Variants in PRSS23 observed in about 807,000 individuals in gnomAD.
PRSS23 encodes the protein protease, serine 23.
Under a neutral mutation model 34.7 loss-of-function variants are expected in PRSS23, and 25 were observed. That is an observed-to-expected ratio of 0.72 (90% confidence interval 0.53 to 1.01). The LOEUF (loss-of-function observed/expected upper bound fraction) is 1.01. PRSS23 is among the 50% of genes least tolerant of loss of function. The pLI is 0.00. For synonymous variants in PRSS23, 176 were observed against 186.6 expected, an observed-to-expected ratio of 0.94 and a Z score of 0.46; for missense variants, 445 against 475.6, an observed-to-expected ratio of 0.94 and a Z score of 0.60.
intron 2 of PRSS23, among the ~76,000 whole-genome samples, chr11:86,939,426 A>ATATATATATATATATTTTTTTTT: frequency 6.0e-4 from 56 of 94,044 alleles, no homozygotes; most frequent in Non-Finnish European, 1.2e-3. Context: ...ATATATATAT[A>ATATATATATATATATTTTTTTTT]TTTTTTAACA....
intron 2 of PRSS23, among the ~76,000 whole-genome samples, chr11:86,840,614 T>C (rs1265373359): frequency 6.6e-6 from 1 of 152,202 alleles, no homozygotes; most frequent in Non-Finnish European, 1.5e-5. Context: ...GTGGACCTAA[T>C]AGACATCTAC....
In PRSS23 at chr11:86,866,730, A is replaced by C. The variant is rs551896893; in HGVS notation, c.206+43137A>C. On this transcript the variant is annotated intron_variant, in intron 2 of 2. Coordinates refer to the PRSS23 transcript ENST00000533902. ...TTTGGGTCATGGAGTAGAATCCCTC[A>C]TGAATAGATTGATGCCCTCTCTTGG... Among the ~76,000 whole-genome samples the C allele has an allele frequency of 8.5e-5, 13 of 152,320 alleles. No homozygotes were observed. In the South Asian group the frequency reaches 2.5e-3, roughly 29 times the overall value.
intron 2 of PRSS23, chr11:86,833,071 G>A: frequency 1.8e-6 from 1 of 571,218 alleles, no homozygotes; most frequent in Non-Finnish European, 3.3e-6. Flanking sequence ...TAATATAGAG[G>A]GTGACAGATG....
chr11:86,808,917 CTT>C lies in PRSS23; in HGVS notation c.*123_*124del, dbSNP rs1565351512. On this transcript the variant is annotated 3_prime_UTR_variant, in exon 2 of 2. Transcript: ENST00000280258. ...GTGTGTGTGTGTGTGTGTAAGGTGTCTTATAATCTTTTACCTATTTCTTACAA... is the reference window on the plus strand; with the variant it reads ...GTGTGTGTGTGTGTGTGTAAGGTGTCATAATCTTTTACCTATTTCTTACAA... The C allele has an allele frequency of 2.6e-6, 2 of 756,134 alleles. No homozygotes were observed. The highest frequency in any genetic ancestry group is 1.8e-5 in the African/African-American group (1 of 56,968). 46.8% of individuals were successfully genotyped at this position (756,134 alleles called of 1,614,324 possible). A position where few individuals can be genotyped will look rare whatever the true frequency, so the allele number is the denominator to read the frequency against.
At chr11:86,906,978 G>C (rs1462811376) in intron 2 of PRSS23, among the ~76,000 whole-genome samples, 3 of 152,222 alleles carry the variant, frequency 2.0e-5, no homozygotes, top group Non-Finnish European at 2.9e-5. Flanking sequence ...CTCATTCTCT[G>C]TCGTGTGCAT....
chr11:86,843,350 C>T (rs983600143), intron 2 of PRSS23, among the ~76,000 whole-genome samples: 1 of 152,184 alleles, frequency 6.6e-6, no homozygotes, highest in African/African-American at 2.4e-5. Context: ...TCATTAAGGA[C>T]ATAGGCGTGG....
At chr11:86,844,935 CA>C (rs1948475467) in intron 2 of PRSS23, among the ~76,000 whole-genome samples, 1 of 152,024 alleles carries the variant, frequency 6.6e-6, no homozygotes, top group Admixed American at 6.6e-5. Context: ...ATTAAAAATA[CA>C]AAATTAGCTG....
At chr11:86,799,255 T>G (rs867382462), upstream of PRSS23, among the ~76,000 whole-genome samples, 6 of 152,120 alleles carry the variant, frequency 3.9e-5, no homozygotes, top group Non-Finnish European at 5.9e-5. Flanking sequence ...GAAAATAAAA[T>G]AAAAGAAAAG....
Position 86,841,536 on chromosome 11 carries a change from A to G in PRSS23, c.206+17943A>G, listed in dbSNP as rs536610258. 8.5e-5 allele frequency among the ~76,000 whole-genome samples: 13 copies of G among 152,270 alleles called. No individual in the cohort carries two copies. In the East Asian group the frequency reaches 2.5e-3, roughly 29 times the overall value. ...GAAAAGATCAACAACACAGACCGCT[A>G]GCAAGACTAATAAAGAAGAAAAGAA... On this transcript the variant is annotated intron_variant, in intron 2 of 2. Coordinates refer to the PRSS23 transcript ENST00000533902.
rs2135603218 is a variant in PRSS23, at chr11:86,810,258, T to G, written c.*1463T>G. On this transcript the variant is annotated 3_prime_UTR_variant, in exon 2 of 2. Transcript: ENST00000280258. ...ATCAAATGGACTACAAGCACGTGTT[T>G]GCTGTGCTTGCACCCCAGGTAAACC... The G allele has an allele frequency of 6.0e-6, 1 of 166,950 alleles. No individual in the cohort carries two copies. The highest frequency in any genetic ancestry group is 1.5e-5 in the Non-Finnish European group (1 of 68,112). 10.3% of individuals were successfully genotyped at this position (166,950 alleles called of 1,614,324 possible).
At chr11:86,792,554 G>A (rs1469830508) in intron 1 of PRSS23, among the ~76,000 whole-genome samples, 1 of 152,166 alleles carries the variant, frequency 6.6e-6, no homozygotes, top group Non-Finnish European at 1.5e-5. Flanking sequence ...CAAAAAAGGT[G>A]CAGGCCAGAG....
At chr11:86,890,060 G>C (rs1019696028) in intron 2 of PRSS23, among the ~76,000 whole-genome samples, 12 of 152,176 alleles carry the variant, frequency 7.9e-5, no homozygotes, top group Non-Finnish European at 1.8e-4. Flanking sequence ...TTGAGGTCAG[G>C]AGTTCGAGAC....
chr11:86,926,944 G>A (rs1203876922), intron 2 of PRSS23, among the ~76,000 whole-genome samples: 1 of 152,168 alleles, frequency 6.6e-6, no homozygotes, highest in African/African-American at 2.4e-5. Flanking sequence ...TAATTGGTTT[G>A]GAAGTGAGGC....
chr11:86,800,384 G>A, upstream of PRSS23: 5 of 925,404 alleles, frequency 5.4e-6, no homozygotes, highest in Non-Finnish European at 6.5e-6. Flanking sequence ...ACCCTGCTCC[G>A]GCCGCAGGCG....
At chr11:86,828,583 C>T (rs1238807202) in intron 2 of PRSS23, among the ~76,000 whole-genome samples, 1 of 152,184 alleles carries the variant, frequency 6.6e-6, no homozygotes, top group Non-Finnish European at 1.5e-5. Context: ...CAGTTTCTCC[C>T]TAGCCTCAAT....
At chr11:86,870,341 G>T (rs1451583711) in intron 2 of PRSS23, among the ~76,000 whole-genome samples, 3 of 152,034 alleles carry the variant, frequency 2.0e-5, no homozygotes, top group African/African-American at 7.2e-5. Context: ...GTATTTATTG[G>T]ATGGTTGGAT....
chr11:86,951,366 GT>G, exon 3 of PRSS23: 1 of 1,613,984 alleles, frequency 6.2e-7, no homozygotes, highest in Non-Finnish European at 8.5e-7. Context: ...TACCGAAAAA[GT>G]GCCCAGTTGG....
Position 86,822,246 on chromosome 11 carries a change from CAG to C in PRSS23, c.-11-1130_-11-1129del, listed in dbSNP as rs1191717450. ...TCCATCCCATATGCCAAAGAGATAA[CAG>C]GGGAGGAATGACCACCATCTTTTAG... On this transcript the variant is annotated intron_variant, in intron 1 of 2. Coordinates refer to the PRSS23 transcript ENST00000533902. Among the ~76,000 whole-genome samples, 18 of 152,226 alleles carry C rather than the reference CAG, an allele frequency of 1.2e-4. No individual in the cohort carries two copies. In the East Asian group the frequency reaches 1.3e-3, roughly 11 times the overall value.
At chr11:86,874,432 C>T (rs12798383) in intron 2 of PRSS23, among the ~76,000 whole-genome samples, 5,389 of 152,286 alleles carry the variant, frequency 0.035, 127 homozygotes, top group Middle Eastern at 0.054. Flanking sequence ...AAATCTGACA[C>T]GCCTAAGCTT....
Sources: gnomAD v4.1 joint callset for allele counts (sites outside exome capture counted in the v4.1 genomes callset) on GRCh38, gnomAD v4.1.1 for gene constraint, MANE v1.5 for transcripts, NCBI Gene and HGNC (gene_info 2026-07-23, HGNC 2026-07-21) for gene names.